EPAS1: variants seen among roughly 807,000 people sequenced by gnomAD.
The protein encoded by EPAS1 is endothelial PAS domain-containing protein 1.
A neutral mutation model predicts 87.9 loss-of-function variants in EPAS1; 23 were observed. The ratio of observed to expected loss-of-function variants is 0.26; its 90% CI spans 0.19 to 0.37. The LOEUF is 0.37. Among genes scored for constraint, EPAS1 ranks in the 10% least tolerant of loss-of-function variants. The pLI, the probability that EPAS1 is intolerant of heterozygous loss-of-function variation, is 1.00. For missense variants in EPAS1, 1,138 were observed against 1,120.7 expected (o/e 1.02, Z -0.22); for synonymous variants, 508 against 444.3 (o/e 1.14, Z -1.80).
At chr2:46,354,526 G>A (rs764648727) in intron 2 of EPAS1, among the ~76,000 whole-genome samples, 7 of 150,932 alleles carry the variant, frequency 4.6e-5, no homozygotes, top group East Asian at 1.9e-4. Context: ...GACAAGAGCC[G>A]AGTCTATATT....
At chr2:46,344,930 G>A (rs1019357527) in intron 1 of EPAS1, among the ~76,000 whole-genome samples, 2 of 152,206 alleles carry the variant, frequency 1.3e-5, no homozygotes, top group Non-Finnish European at 2.9e-5. Flanking sequence ...AATCAAAACA[G>A]TGCTTCTGCC....
intron 10 of EPAS1, 84 bp downstream of exon 10, chr2:46,378,171 A>T (rs768350215): frequency 3.9e-5 from 60 of 1,530,032 alleles, no homozygotes; most frequent in Non-Finnish European, 5.2e-5. Context: ...CATTTGGGAC[A>T]GGTACTGTCC....
intron 1 of EPAS1, among the ~76,000 whole-genome samples, chr2:46,316,655 G>A (rs1267538758): frequency 6.6e-6 from 1 of 152,178 alleles, no homozygotes. Context: ...TTCTTACTGG[G>A]AGAGGTTCTT....
chr2:46,378,886 C>A, intron 11 of EPAS1, 119 bp downstream of exon 11: 2 of 978,780 alleles, frequency 2.0e-6, no homozygotes, highest in Non-Finnish European at 3.2e-6. Context: ...GACGTTTGGC[C>A]AAGGCCCAGG....
Position 46,313,233 on chromosome 2 carries a change from C to G in EPAS1, c.26+15296C>G, listed in dbSNP as rs76760062. 9.2e-3 allele frequency among the ~76,000 whole-genome samples: 1,398 copies of G among 152,276 alleles called. 14 individuals are homozygous for G. The highest frequency in any genetic ancestry group is 0.033 in the African/African-American group (1,351 of 41,562). ...GTGACAGGCCACTCAGCTCTGGCCTCTGATCCTTCATCTGTAACATCTTTG... is the reference window on the plus strand; with the variant it reads ...GTGACAGGCCACTCAGCTCTGGCCTGTGATCCTTCATCTGTAACATCTTTG... On this transcript the variant is annotated intron_variant, in intron 1 of 15. Coordinates refer to ENST00000263734, the MANE Select transcript of EPAS1 (RefSeq NM_001430.5).
rs189151165 is a variant in EPAS1 at position 46,307,705 on chromosome 2, T to C, written c.26+9768T>C. Among the ~76,000 whole-genome samples, 420 of 152,214 alleles carry C rather than the reference T, an allele frequency of 2.8e-3. 1 individual carries two copies. Among genetic ancestry groups the C allele is most frequent in the African/African-American group, 9.6e-3 (400 of 41,524 alleles). On this transcript the variant is annotated intron_variant, in intron 1 of 15. Coordinates refer to ENST00000263734, the MANE Select transcript of EPAS1 (RefSeq NM_001430.5). ...GGAGTCTTCCAGAGTTCCATGGAAA[T>C]TAGTGCCCCCGTGCATTTCCCTGCC... is the stretch of plus-strand genomic sequence containing the variant.
chr2:46,385,963 C>G lies in EPAS1; in HGVS notation c.*1303C>G, dbSNP rs1685014336. The G allele has an allele frequency of 6.6e-6, 1 of 152,532 alleles. No individual in the cohort carries two copies. Among genetic ancestry groups the G allele is most frequent in the Non-Finnish European group, 1.5e-5 (1 of 68,038 alleles). 9.4% of individuals were successfully genotyped at this position (152,532 alleles called of 1,614,324 possible). On this transcript the variant is annotated 3_prime_UTR_variant, in exon 16 of 16. Coordinates refer to ENST00000263734, the MANE Select transcript of EPAS1 (RefSeq NM_001430.5). ...CCTCCAAGCTCACGACCTTGGAGCC[C>G]CGTGGAGCTGGACTGAGGAGGAGGC...
At chr2:46,366,298 C>T (rs929282099) in intron 6 of EPAS1, among the ~76,000 whole-genome samples, 2 of 152,200 alleles carry the variant, frequency 1.3e-5, no homozygotes, top group African/African-American at 4.8e-5. Flanking sequence ...TTGAATAGAG[C>T]TTCTAAACAG....
rs55792993 is a variant in EPAS1 at position 46,356,141 on chromosome 2, C to A, written c.218-10C>A. On this transcript the variant is annotated splice_polypyrimidine_tract_variant and intron_variant, in intron 2 of 15. Transcript: ENST00000263734. ...TTCATGCAAGCTGTCCCACCCCCCC[C>A]CCTTTCCAGTTTGCTCTGAAAACGA... 428 of 1,381,432 alleles carry A rather than the reference C, an allele frequency of 3.1e-4. 19 individuals carry two copies. The highest frequency in any genetic ancestry group is 4.1e-4 in the Non-Finnish European group (396 of 976,708). 85.6% of individuals were successfully genotyped at this position (1,381,432 alleles called of 1,614,324 possible). A position where few individuals can be genotyped will look rare whatever the true frequency, so the allele number is the denominator to read the frequency against.
At chr2:46,381,375 A>T in intron 12 of EPAS1, 1 of 650,740 alleles carries the variant, frequency 1.5e-6, no homozygotes, top group Non-Finnish European at 2.7e-6. Context: ...GCCATCCCCC[A>T]GACCAGGAGG....
Position 46,360,935 on chromosome 2 carries a change from C to A in EPAS1, c.624C>A (p.His208Gln), listed in dbSNP as rs1316944867. 22 of 1,614,108 alleles carry A rather than the reference C, an allele frequency of 1.4e-5. No individual in the cohort carries two copies. The highest frequency in any genetic ancestry group is 1.8e-5 in the Non-Finnish European group (21 of 1,180,052). ...QVKVYNNCPP[H>Q]NSLCGYKEPL... ...AAGTCTACAACAACTGCCCTCCTCA[C>A]AATAGTCTGTGTGGCTACAAGGAGC... Residue 208 changes from histidine to glutamine, a missense_variant, in exon 6 of 16, where the codon CAC (histidine) becomes CAA (glutamine). This residue lies in a region of EPAS1 where 351 missense variants were observed against 417.1 expected (regional missense o/e 0.84). Coordinates refer to ENST00000263734, the MANE Select transcript of EPAS1 (RefSeq NM_001430.5). This position sits in a 1 kb window ranked among gnomAD's most constrained non-coding sequence, Gnocchi z 4.5.
rs115977080 is a variant in EPAS1, at chr2:46,374,929, C to T, written c.887-761C>T. On this transcript the variant is annotated intron_variant, in intron 7 of 15. Transcript: ENST00000263734. ...CTCATAAGTAGGAAGCCTAGCTGGGCGGTTGGGAGAAGGAGTATAAGTGAT... is the reference window on the plus strand; with the variant it reads ...CTCATAAGTAGGAAGCCTAGCTGGGTGGTTGGGAGAAGGAGTATAAGTGAT... Among the ~76,000 whole-genome samples, 770 of 152,114 alleles carry T rather than the reference C, an allele frequency of 5.1e-3. 5 individuals carry two copies. The highest frequency in any genetic ancestry group is 0.018 in the African/African-American group (729 of 41,488).
intron 2 of EPAS1, among the ~76,000 whole-genome samples, chr2:46,355,268 G>A (rs1356338549): frequency 2.0e-5 from 3 of 152,202 alleles, no homozygotes; most frequent in Non-Finnish European, 4.4e-5. Context: ...ATTCAGAGAT[G>A]GAAATTGTTA....
chr2:46,301,871 T>C (rs1683007618), intron 1 of EPAS1, among the ~76,000 whole-genome samples: 1 of 150,264 alleles, frequency 6.7e-6, no homozygotes, highest in East Asian at 1.9e-4. Flanking sequence ...CTGTTCCCAG[T>C]GTCTGTAAAC....
At chr2:46,350,256 A>G (rs2103619875) in intron 2 of EPAS1, among the ~76,000 whole-genome samples, 2 of 152,340 alleles carry the variant, frequency 1.3e-5, no homozygotes, top group East Asian at 3.9e-4. Flanking sequence ...CCACACATTC[A>G]TTATTTAAGC....
intron 7 of EPAS1, among the ~76,000 whole-genome samples, chr2:46,373,582 A>T (rs1684671939): frequency 6.6e-6 from 1 of 152,198 alleles, no homozygotes; most frequent in Non-Finnish European, 1.5e-5. Context: ...GACAATTCGA[A>T]TATATAGTGG....
rs779028117 is a variant in EPAS1, at chr2:46,297,876, C to G, written c.-36C>G. On this transcript the variant is annotated 5_prime_UTR_variant, in exon 1 of 16. Transcript: ENST00000263734. ...CCCCACCCGCCAGGGAGCCCAGGTGCTCGGCGTCTGAACGTCTCAAAGGGC... is the reference window on the plus strand; with the variant it reads ...CCCCACCCGCCAGGGAGCCCAGGTGGTCGGCGTCTGAACGTCTCAAAGGGC... 4 of 1,606,088 alleles carry G rather than the reference C, an allele frequency of 2.5e-6. No individual in the cohort carries two copies. Among genetic ancestry groups the G allele is most frequent in the Non-Finnish European group, 3.4e-6 (4 of 1,176,394 alleles).
At position 46,347,204 on chromosome 2, in the gene EPAS1, A is replaced by G; in HGVS notation, c.217+141A>G. 1 of 879,324 alleles carries G rather than the reference A, an allele frequency of 1.1e-6. No homozygotes were observed. Among genetic ancestry groups the G allele is most frequent in the Non-Finnish European group, 1.9e-6 (1 of 538,116 alleles). 54.5% of individuals were successfully genotyped at this position (879,324 alleles called of 1,614,324 possible). A position where few individuals can be genotyped will look rare whatever the true frequency, so the allele number is the denominator to read the frequency against. On this transcript the variant is annotated intron_variant, in intron 2 of 15. Coordinates refer to ENST00000263734, the MANE Select transcript of EPAS1 (RefSeq NM_001430.5). This position sits in a 1 kb window ranked among gnomAD's most constrained non-coding sequence, Gnocchi z 4.2. ...ACCCACAGAAACACCATCATGAGTG[A>G]TTTATTCCTTCATGTTAAACATCTC...
In EPAS1 at chr2:46,384,507, A is replaced by C. The variant is rs767069441; in HGVS notation, c.2462-2A>C. ...AAGTTATGGTACCAACCCTTCTTTC[A>C]GGCATGGCAAGCCGGCTGCTCGGGC... On this transcript the variant is annotated splice_acceptor_variant, in intron 15 of 15. Coordinates refer to ENST00000263734, the MANE Select transcript of EPAS1 (RefSeq NM_001430.5). LOFTEE classifies it high-confidence loss of function. 6.2e-7 allele frequency: 1 copy of C among 1,614,212 alleles called. No individual in the cohort carries two copies. Among genetic ancestry groups the C allele is most frequent in the Non-Finnish European group, 8.5e-7 (1 of 1,180,026 alleles).
Sources: allele counts gnomAD v4.1 joint callset (sites outside exome capture counted in the v4.1 genomes callset), GRCh38; gene constraint gnomAD v4.1.1; regional missense constraint gnomAD v4.1.1; non-coding constraint Gnocchi (gnomAD v3.1); transcripts MANE v1.5; gene names NCBI Gene and HGNC (gene_info 2026-07-23, HGNC 2026-07-21).